FHIT: variants seen among roughly 807,000 people sequenced by gnomAD.
FHIT encodes the protein fragile histidine triad diadenosine triphosphatase.
In FHIT, 19 loss-of-function variants were observed where a neutral mutation model predicts 17.9. That is an observed-to-expected ratio of 1.06 (90% CI 0.74 to 1.56). FHIT has a LOEUF of 1.56. Ranked by LOEUF, FHIT falls within the 40% of genes most tolerant of loss-of-function variation. The pLI, the probability that FHIT is intolerant of heterozygous loss-of-function variation, is 0.00. For synonymous variants in FHIT, 81 were observed against 69.7 expected, an observed-to-expected ratio of 1.16 and a Z score of -0.81; for missense variants, 248 against 189.2, an observed-to-expected ratio of 1.31 and a Z score of -1.82.
intron 5 of FHIT, among the ~76,000 whole-genome samples, chr3:60,489,931 G>T (rs1488728865): frequency 6.6e-6 from 1 of 152,032 alleles, no homozygotes; most frequent in Admixed American, 6.6e-5. Flanking sequence ...TCCAAGTTCT[G>T]TTATAAACTG....
intron 1 of FHIT, among the ~76,000 whole-genome samples, chr3:61,248,791 G>C (rs1172137662): frequency 6.6e-6 from 1 of 152,148 alleles, no homozygotes; most frequent in African/African-American, 2.4e-5. Context: ...AGCCTAAAAA[G>C]GTTATCCACA....
At chr3:59,817,562 T>TAAAAAAAAAAAAA (rs10691937) in intron 8 of FHIT, among the ~76,000 whole-genome samples, 1 of 93,924 alleles carries the variant, frequency 1.1e-5, no homozygotes, top group African/African-American at 4.7e-5. Flanking sequence ...CACCCGTCAC[T>TAAAAAAAAAAAAA]AAAAAAAAAA....
intron 3 of FHIT, among the ~76,000 whole-genome samples, chr3:60,897,154 A>T (rs1705863956): frequency 6.6e-6 from 1 of 152,136 alleles, no homozygotes; most frequent in African/African-American, 2.4e-5. Context: ...TTTACAGCAC[A>T]CTACTGCATT....
At position 60,232,953 on chromosome 3, in the gene FHIT, A is replaced by C. The variant is rs117145401; in HGVS notation, c.104-218801T>G. On this transcript the variant is annotated intron_variant, in intron 5 of 9. Coordinates refer to ENST00000492590, the MANE Select transcript of FHIT (RefSeq NM_002012.4). ...AATGATACTATGGCTATAGTTTTTA[A>C]AAGAGTTCTGATGTTCTAGAGATCT... Among the ~76,000 whole-genome samples, 80 of 152,278 alleles carry C rather than the reference A, an allele frequency of 5.3e-4. No individual in the cohort carries two copies. In the East Asian group the frequency reaches 0.014, roughly 26 times the overall value.
intron 7 of FHIT, among the ~76,000 whole-genome samples, chr3:59,939,137 A>C (rs546666645): frequency 6.6e-6 from 1 of 152,330 alleles, no homozygotes; most frequent in East Asian, 1.9e-4. Flanking sequence ...CTGTTGTACA[A>C]TGAGACAGAG....
At chr3:60,988,085 A>G (rs2029870041) in intron 3 of FHIT, among the ~76,000 whole-genome samples, 1 of 152,226 alleles carries the variant, frequency 6.6e-6, no homozygotes, top group East Asian at 1.9e-4. Context: ...CTATCAAACC[A>G]GTATATTAAA....
At chr3:61,052,533 G>A (rs534782743) in intron 2 of FHIT, among the ~76,000 whole-genome samples, 8 of 152,234 alleles carry the variant, frequency 5.3e-5, no homozygotes, top group East Asian at 1.9e-4. Flanking sequence ...GCAGTCTAGC[G>A]CAGATCAATA....
At chr3:60,571,502 T>G (rs1225811851) in intron 4 of FHIT, among the ~76,000 whole-genome samples, 1 of 151,994 alleles carries the variant, frequency 6.6e-6, no homozygotes, top group Non-Finnish European at 1.5e-5. Context: ...GAGGAGAATT[T>G]GAGAAAATTT....
At chr3:61,175,756 C>T (rs2038139494) in intron 2 of FHIT, among the ~76,000 whole-genome samples, 1 of 152,124 alleles carries the variant, frequency 6.6e-6, no homozygotes, top group African/African-American at 2.4e-5. Flanking sequence ...CAACAAAGCA[C>T]CATCTTGGAA....
Position 61,036,901 on chromosome 3 carries a change from G to GTTT in FHIT, c.-111+5143_-111+5145dup, listed in dbSNP as rs746649804. 7.1e-3 allele frequency among the ~76,000 whole-genome samples: 495 copies of GTTT among 70,172 alleles called. 20 individuals are homozygous for GTTT. The highest frequency in any genetic ancestry group is 0.011 in the African/African-American group (358 of 31,252). The allele number at this position is 70,172 out of a possible 152,430, so 46.0% of individuals were successfully genotyped here. On this transcript the variant is annotated intron_variant, in intron 3 of 9. Coordinates refer to ENST00000492590, the MANE Select transcript of FHIT (RefSeq NM_002012.4). ...TTCACCTCAAAGATCAGTCTGCTTT[G>GTTT]TTTTTTTTTTTTGTTTGTTTGTTTT... is the stretch of plus-strand genomic sequence containing the variant.
chr3:60,234,270 A>C (rs182287102), intron 5 of FHIT, among the ~76,000 whole-genome samples: 11 of 152,318 alleles, frequency 7.2e-5, no homozygotes, highest in Non-Finnish European at 1.3e-4. Flanking sequence ...TTACATGTAT[A>C]TATCTGTAGT....
intron 5 of FHIT, among the ~76,000 whole-genome samples, chr3:60,415,670 A>G (rs1001444639): frequency 6.6e-6 from 1 of 151,630 alleles, no homozygotes; most frequent in African/African-American, 2.4e-5. Flanking sequence ...TCTATCCAAC[A>G]TCAAGCTCAG....
At chr3:60,487,675 C>G (rs571714944) in intron 5 of FHIT, among the ~76,000 whole-genome samples, 1 of 152,164 alleles carries the variant, frequency 6.6e-6, no homozygotes, top group African/African-American at 2.4e-5. Flanking sequence ...AAGTTGCTAA[C>G]GCAGGGAAAT....
intron 5 of FHIT, among the ~76,000 whole-genome samples, chr3:60,305,290 A>G (rs895958970): frequency 4.6e-5 from 7 of 152,134 alleles, no homozygotes; most frequent in African/African-American, 7.2e-5. Flanking sequence ...TGAATAAAAA[A>G]TGCTTACCAT....
intron 5 of FHIT, among the ~76,000 whole-genome samples, chr3:60,376,916 G>C (rs543034175): frequency 2.6e-5 from 4 of 152,286 alleles, no homozygotes; most frequent in African/African-American, 9.6e-5. Flanking sequence ...GAGAACACTG[G>C]TTATAATTCA....
At chr3:60,956,640 A>C (rs782770440) in intron 3 of FHIT, among the ~76,000 whole-genome samples, 2 of 152,196 alleles carry the variant, frequency 1.3e-5, no homozygotes, top group Non-Finnish European at 2.9e-5. Flanking sequence ...TTAATCAGAC[A>C]CAGCTGTACA....
At chr3:60,909,186 T>C (rs534693862) in intron 3 of FHIT, among the ~76,000 whole-genome samples, 1 of 152,060 alleles carries the variant, frequency 6.6e-6, no homozygotes, top group South Asian at 2.1e-4. Context: ...CTGCCCAACA[T>C]GGTGAAACTC....
intron 5 of FHIT, among the ~76,000 whole-genome samples, chr3:60,130,971 G>A: frequency 9.5e-6 from 1 of 105,820 alleles, no homozygotes; most frequent in Non-Finnish European, 2.3e-5. Context: ...CAGTAGAAAG[G>A]TATATATATA....
At chr3:59,932,338 A>G (rs529211100) in intron 7 of FHIT, among the ~76,000 whole-genome samples, 4 of 152,334 alleles carry the variant, frequency 2.6e-5, no homozygotes, top group Admixed American at 2.0e-4. Context: ...AAGAACAGAT[A>G]AAAAGTAGAT....
Sources: allele counts gnomAD v4.1 joint callset (sites outside exome capture counted in the v4.1 genomes callset), GRCh38; gene constraint gnomAD v4.1.1; transcripts MANE v1.5; gene names NCBI Gene and HGNC (gene_info 2026-07-23, HGNC 2026-07-21).